CA10: variants seen among roughly 807,000 people sequenced by gnomAD.
CA10 encodes carbonic anhydrase 10 (inactive).
A neutral mutation model predicts 44.2 loss-of-function variants in CA10; 14 were observed. That is an observed-to-expected ratio of 0.32 (90% CI 0.21 to 0.50). CA10 has a LOEUF of 0.50. Ranked by LOEUF, CA10 falls within the 20% of genes least tolerant of loss-of-function variation. The probability of loss-of-function intolerance (pLI) is 0.99; values close to 1 mark genes in which losing one functional copy is unlikely to be tolerated. For synonymous variants in CA10, 159 were observed against 141.6 expected (o/e 1.12, Z -0.87); for missense variants, 350 against 409.7 (o/e 0.85, Z 1.26).
At chr17:51,716,129 A>G (rs1176737232) in intron 4 of CA10, among the ~76,000 whole-genome samples, 2 of 152,152 alleles carry the variant, frequency 1.3e-5, no homozygotes, top group African/African-American at 4.8e-5. Context: ...TCCTAAATCA[A>G]TAACTACTAT....
chr17:51,875,426 C>T (rs1395575763), intron 3 of CA10, among the ~76,000 whole-genome samples: 1 of 152,186 alleles, frequency 6.6e-6, no homozygotes, highest in Non-Finnish European at 1.5e-5. Flanking sequence ...CAAGAGTCAA[C>T]ACAATGGAAC....
chr17:51,874,314 G>T (rs200049954), intron 3 of CA10, among the ~76,000 whole-genome samples: 1 of 149,310 alleles, frequency 6.7e-6, no homozygotes, highest in Non-Finnish European at 1.5e-5. Context: ...TGGAGGTTTT[G>T]TCCAACCCCT....
intron 2 of CA10, among the ~76,000 whole-genome samples, chr17:51,935,881 C>T (rs1598126794): frequency 6.6e-6 from 1 of 152,254 alleles, no homozygotes; most frequent in South Asian, 2.1e-4. Flanking sequence ...GAGCAAGGAA[C>T]CAGAGGAATC....
chr17:51,874,955 T>C (rs1053494335), intron 3 of CA10, among the ~76,000 whole-genome samples: 25 of 82,942 alleles, frequency 3.0e-4, no homozygotes, highest in East Asian at 2.1e-3. Flanking sequence ...CTTCTGTTTT[T>C]TTTTCTTTTT....
intron 4 of CA10, among the ~76,000 whole-genome samples, chr17:51,681,256 A>T (rs1914835860): frequency 6.6e-6 from 1 of 152,252 alleles, no homozygotes; most frequent in Non-Finnish European, 1.5e-5. Context: ...TCCGTGGGGC[A>T]GGCTTAGCAC....
chr17:51,885,026 A>G (rs1171360768), intron 3 of CA10, among the ~76,000 whole-genome samples: 2 of 152,216 alleles, frequency 1.3e-5, no homozygotes, highest in Non-Finnish European at 2.9e-5. Context: ...CTGTATCTGC[A>G]GACTATTTCC....
intron 1 of CA10, among the ~76,000 whole-genome samples, chr17:52,112,531 T>C (rs1988808727): frequency 6.6e-6 from 1 of 152,240 alleles, no homozygotes; most frequent in African/African-American, 2.4e-5. Flanking sequence ...TTGCTGACTC[T>C]TGCTCTACAG....
chr17:52,041,453 T>C (rs1365919288), intron 2 of CA10, among the ~76,000 whole-genome samples: 1 of 152,082 alleles, frequency 6.6e-6, no homozygotes, highest in Non-Finnish European at 1.5e-5. Flanking sequence ...TAAGGTATAA[T>C]TGACAAATAA....
Position 52,120,130 on chromosome 17 carries a change from A to G in CA10, c.61+37596T>C, listed in dbSNP as rs1443039930. Reference sequence around the variant, plus strand: ...AATCTTAGCAAGCATAACTATAGCCACCAGTTATCTGTGTGTGCCAGCAGC... The same window carrying G: ...AATCTTAGCAAGCATAACTATAGCCGCCAGTTATCTGTGTGTGCCAGCAGC... On this transcript the variant is annotated intron_variant, in intron 1 of 8. Coordinates refer to ENST00000451037, the MANE Select transcript of CA10 (RefSeq NM_020178.5). Among the ~76,000 whole-genome samples the G allele has an allele frequency of 3.3e-5, 5 of 152,194 alleles. No individual in the cohort carries two copies. In the East Asian group the frequency reaches 5.8e-4, roughly 18 times the overall value.
At chr17:51,986,514 G>A (rs1027964951) in intron 2 of CA10, among the ~76,000 whole-genome samples, 2 of 151,956 alleles carry the variant, frequency 1.3e-5, no homozygotes, top group Non-Finnish European at 2.9e-5. Flanking sequence ...AAATAGCTGA[G>A]ACTTAATTAA....
chr17:52,099,940 G>T (rs949227999), intron 1 of CA10, among the ~76,000 whole-genome samples: 3 of 152,220 alleles, frequency 2.0e-5, no homozygotes, highest in Non-Finnish European at 4.4e-5. Flanking sequence ...ATAGATCAGT[G>T]GTGACCTTGA....
intron 4 of CA10, among the ~76,000 whole-genome samples, chr17:51,731,398 G>T (rs1033094417): frequency 6.6e-6 from 1 of 152,082 alleles, no homozygotes; most frequent in African/African-American, 2.4e-5. Flanking sequence ...AAGGGAAATG[G>T]ATTCTGGTCA....
At chr17:51,790,286 G>A (rs1355860368) in intron 3 of CA10, among the ~76,000 whole-genome samples, 1 of 152,186 alleles carries the variant, frequency 6.6e-6, no homozygotes, top group Non-Finnish European at 1.5e-5. Flanking sequence ...GCGAAGAGAA[G>A]GGAACTCAGC....
intron 3 of CA10, among the ~76,000 whole-genome samples, chr17:51,778,959 G>C (rs1438953782): frequency 6.6e-6 from 1 of 152,156 alleles, no homozygotes; most frequent in African/African-American, 2.4e-5. Flanking sequence ...GGAAGGTGCT[G>C]ACCTCCATCA....
intron 3 of CA10, among the ~76,000 whole-genome samples, chr17:51,845,107 C>T (rs1385437807): frequency 2.6e-5 from 4 of 152,138 alleles, no homozygotes; most frequent in African/African-American, 4.8e-5. Flanking sequence ...GGATTCCTCC[C>T]CTAGAACCTT....
chr17:51,789,790 A>G (rs16950512), intron 3 of CA10, among the ~76,000 whole-genome samples: 17,611 of 152,208 alleles, frequency 0.12, 1,392 homozygotes, highest in African/African-American at 0.23. Context: ...TTCCATGCAT[A>G]GGATAGTAGG....
At chr17:51,793,862 G>A (rs1299915795) in intron 3 of CA10, among the ~76,000 whole-genome samples, 1 of 152,176 alleles carries the variant, frequency 6.6e-6, no homozygotes, top group African/African-American at 2.4e-5. Context: ...CCTACCTGCT[G>A]TGCCTCCATC....
intron 3 of CA10, among the ~76,000 whole-genome samples, chr17:51,871,471 C>A (rs1179563760): frequency 1.3e-5 from 2 of 148,240 alleles, no homozygotes; most frequent in African/African-American, 5.0e-5. Flanking sequence ...AACTCCTGAC[C>A]TCAGGTGATC....
chr17:51,798,615 G>A (rs1436710413), intron 3 of CA10, among the ~76,000 whole-genome samples: 1 of 152,142 alleles, frequency 6.6e-6, no homozygotes, highest in Non-Finnish European at 1.5e-5. Context: ...TAGAAAACAC[G>A]ATCATAAAAG....
Sources: gnomAD v4.1 joint callset for allele counts (sites outside exome capture counted in the v4.1 genomes callset) on GRCh38, gnomAD v4.1.1 for gene constraint, MANE v1.5 for transcripts, NCBI Gene and HGNC (gene_info 2026-07-23, HGNC 2026-07-21) for gene names.